DISC1: variants seen among roughly 807,000 people sequenced by gnomAD.
DISC1 encodes the protein disrupted in schizophrenia 1 protein.
A neutral mutation model predicts 84.5 loss-of-function variants in DISC1; 57 were observed. That is an observed-to-expected ratio of 0.67 (90% CI 0.55 to 0.84). The LOEUF (loss-of-function observed/expected upper bound fraction) is 0.84. Ranked by LOEUF, DISC1 falls within the 40% of genes least tolerant of loss-of-function variation. The probability of loss-of-function intolerance (pLI) is 0.00; values close to 1 mark genes in which losing one functional copy is unlikely to be tolerated. For missense variants in DISC1, 1,000 were observed against 1,057.8 expected, an observed-to-expected ratio of 0.95 and a Z score of 0.76; for synonymous variants, 411 against 415.2, an observed-to-expected ratio of 0.99 and a Z score of 0.12.
chr1:231,930,503 G>A (rs762478216), intron 9 of DISC1, among the ~76,000 whole-genome samples: 3 of 152,212 alleles, frequency 2.0e-5, no homozygotes, highest in Non-Finnish European at 2.9e-5. Flanking sequence ...GCACAGTGAT[G>A]TTAAGTCTGT....
At chr1:231,990,657 T>C (rs540591019) in intron 10 of DISC1, among the ~76,000 whole-genome samples, 10 of 152,278 alleles carry the variant, frequency 6.6e-5, no homozygotes, top group Middle Eastern at 6.8e-3. Flanking sequence ...GAGTCACGTG[T>C]GGGCTTTCTT....
At chr1:231,706,660 C>A (rs1386614552) in intron 3 of DISC1, among the ~76,000 whole-genome samples, 1 of 152,238 alleles carries the variant, frequency 6.6e-6, no homozygotes, top group Non-Finnish European at 1.5e-5. Context: ...ATATTACTTT[C>A]TCTATCCTTT....
intron 9 of DISC1, among the ~76,000 whole-genome samples, chr1:231,929,326 C>G (rs1359129323): frequency 6.6e-6 from 1 of 152,168 alleles, no homozygotes; most frequent in African/African-American, 2.4e-5. Context: ...CATCCTTCCT[C>G]TCCTACTCAC....
intron 2 of DISC1, among the ~76,000 whole-genome samples, chr1:231,695,501 C>T (rs1291760787): frequency 2.0e-5 from 3 of 152,130 alleles, no homozygotes; most frequent in Non-Finnish European, 4.4e-5. Context: ...CACAAAAGTT[C>T]CCAGAGAAGC....
At chr1:231,627,034 C>G in intron 1 of DISC1, 100 bp downstream of exon 1, 1 of 774,666 alleles carries the variant, frequency 1.3e-6, no homozygotes, top group African/African-American at 1.9e-5. Flanking sequence ...GGGCGTGCCT[C>G]TGTTAACAAC....
chr1:231,643,972 C>G (rs975015298), intron 1 of DISC1, among the ~76,000 whole-genome samples: 3 of 152,086 alleles, frequency 2.0e-5, no homozygotes, highest in Non-Finnish European at 4.4e-5. Flanking sequence ...TTTTACCAGC[C>G]CACAGAAGAT....
rs143175802 is a variant in DISC1 at position 231,651,007 on chromosome 1, A to G, written c.67+24073A>G. 6.3e-3 allele frequency among the ~76,000 whole-genome samples: 953 copies of G among 152,190 alleles called. 6 individuals are homozygous for G. The highest frequency in any genetic ancestry group is 0.011 in the South Asian group (55 of 4,818). ...TTTAGCTTCCTAGCAATGGGTTCAA[A>G]TGTCCTCCTTTAGCTCGGAGAAGTT... On this transcript the variant is annotated intron_variant, in intron 1 of 12. Transcript: ENST00000439617.
chr1:231,664,527 T>C (rs1002056260), intron 1 of DISC1, among the ~76,000 whole-genome samples: 2 of 152,110 alleles, frequency 1.3e-5, no homozygotes, highest in Non-Finnish European at 2.9e-5. Context: ...AATGTAATCA[T>C]AGGGTGCTCA....
rs553687537 is a variant in DISC1, at chr1:231,877,829, G to A, written c.1981+59312G>A. On this transcript the variant is annotated intron_variant, in intron 9 of 12. Coordinates refer to ENST00000439617, the MANE Select transcript of DISC1 (RefSeq NM_018662.3). ...ATAGGAATGCATGACTGATGTGCAT[G>A]GAATCAGCTTATTTCGACTGAACAG... is the stretch of plus-strand genomic sequence containing the variant. Among the ~76,000 whole-genome samples, 59 of 152,258 alleles carry A rather than the reference G, an allele frequency of 3.9e-4. No homozygotes were observed. In the South Asian group the frequency reaches 8.9e-3, roughly 23 times the overall value.
chr1:231,800,018 C>G (rs1388682674), intron 7 of DISC1, 90 bp from the exon 8 acceptor site: 19 of 918,842 alleles, frequency 2.1e-5, no homozygotes, highest in Non-Finnish European at 3.1e-5. Flanking sequence ...TAATTACTTA[C>G]AAACCCAGAA....
chr1:231,676,711 C>T (rs1472885244), intron 1 of DISC1, among the ~76,000 whole-genome samples: 1 of 152,150 alleles, frequency 6.6e-6, no homozygotes, highest in East Asian at 1.9e-4. Context: ...TGAATTAAAG[C>T]CAATTTATTA....
chr1:231,633,699 A>G (rs2058938203), intron 1 of DISC1, among the ~76,000 whole-genome samples: 1 of 152,170 alleles, frequency 6.6e-6, no homozygotes, highest in African/African-American at 2.4e-5. Flanking sequence ...AGATGAACAA[A>G]TCTACCAGGA....
At chr1:231,751,886 T>A (rs1362228348) in intron 4 of DISC1, among the ~76,000 whole-genome samples, 1 of 152,270 alleles carries the variant, frequency 6.6e-6, no homozygotes, top group East Asian at 1.9e-4. Context: ...ACTCATTTAA[T>A]GTTCATGACA....
At chr1:231,850,608 T>C (rs2083824586) in intron 9 of DISC1, among the ~76,000 whole-genome samples, 1 of 152,160 alleles carries the variant, frequency 6.6e-6, no homozygotes, top group African/African-American at 2.4e-5. Flanking sequence ...AAGTTGTTGC[T>C]CTGTTAAGAA....
intron 3 of DISC1, among the ~76,000 whole-genome samples, chr1:231,705,547 G>T (rs1450021601): frequency 6.6e-6 from 1 of 151,952 alleles, no homozygotes. Flanking sequence ...CTTGAAAGGA[G>T]ACTTGCGGCT....
At chr1:231,981,012 T>C (rs989695652) in intron 10 of DISC1, among the ~76,000 whole-genome samples, 1 of 152,236 alleles carries the variant, frequency 6.6e-6, no homozygotes, top group Non-Finnish European at 1.5e-5. Context: ...AGTGGCACGA[T>C]CACAGCTCAC....
At chr1:231,868,479 C>A (rs2085212344) in intron 9 of DISC1, among the ~76,000 whole-genome samples, 1 of 151,994 alleles carries the variant, frequency 6.6e-6, no homozygotes, top group Non-Finnish European at 1.5e-5. Context: ...CTCAAAACAG[C>A]TGGCAGCCTA....
intron 6 of DISC1, among the ~76,000 whole-genome samples, chr1:231,778,528 T>C (rs995386822): frequency 1.3e-4 from 20 of 152,182 alleles, no homozygotes; most frequent in Non-Finnish European, 2.8e-4. Flanking sequence ...CCCTAGAGCA[T>C]GGACCTGAGC....
At chr1:231,835,782 C>A (rs2082587886) in intron 9 of DISC1, among the ~76,000 whole-genome samples, 1 of 151,982 alleles carries the variant, frequency 6.6e-6, no homozygotes, top group South Asian at 2.1e-4. Context: ...GAAATTAACC[C>A]CTCATCATGA....
Sources: gnomAD v4.1 joint callset for allele counts (sites outside exome capture counted in the v4.1 genomes callset) on GRCh38, gnomAD v4.1.1 for gene constraint, MANE v1.5 for transcripts, NCBI Gene and HGNC (gene_info 2026-07-23, HGNC 2026-07-21) for gene names.